PCDH15: variants seen among roughly 807,000 people sequenced by gnomAD.
The protein encoded by PCDH15 is protocadherin related 15.
Under a neutral mutation model 178.5 loss-of-function variants are expected in PCDH15, and 129 were observed. That is an observed-to-expected ratio of 0.72 (90% CI 0.63 to 0.84). The LOEUF is 0.84. Among genes scored for constraint, PCDH15 ranks in the 40% least tolerant of loss-of-function variants. The probability of loss-of-function intolerance (pLI) is 0.00; values close to 1 mark genes in which losing one functional copy is unlikely to be tolerated. For missense variants in PCDH15, 2,230 were observed against 2,099.9 expected (o/e 1.06, Z -1.21); for synonymous variants, 800 against 732.0 (o/e 1.09, Z -1.50).
intron 2 of PCDH15, among the ~76,000 whole-genome samples, chr10:54,548,991 A>C (rs1590044159): frequency 6.6e-6 from 1 of 151,872 alleles, no homozygotes; most frequent in East Asian, 1.9e-4. Flanking sequence ...TTATTAACAT[A>C]TATATTTCAT....
intron 2 of PCDH15, among the ~76,000 whole-genome samples, chr10:55,607,639 A>G (rs1444672103): frequency 1.0e-3 from 133 of 131,786 alleles, no homozygotes; most frequent in Middle Eastern, 4.0e-3. Flanking sequence ...TCAGTAAACT[A>G]TCACAAGAAC....
At chr10:55,243,607 T>C (rs976583647) in intron 1 of PCDH15, among the ~76,000 whole-genome samples, 8 of 152,330 alleles carry the variant, frequency 5.3e-5, no homozygotes, top group South Asian at 2.1e-4. Context: ...TAGGAACCAG[T>C]GCATTTAAAG....
intron 21 of PCDH15, among the ~76,000 whole-genome samples, chr10:53,970,309 A>C (rs564482819): frequency 7.2e-5 from 11 of 152,320 alleles, no homozygotes; most frequent in African/African-American, 2.6e-4. Flanking sequence ...AGAAGAGCTA[A>C]CTATCCTAAA....
intron 23 of PCDH15, among the ~76,000 whole-genome samples, chr10:53,950,377 T>C (rs1205527778): frequency 1.3e-5 from 2 of 152,098 alleles, no homozygotes; most frequent in African/African-American, 4.8e-5. Flanking sequence ...AAAATTAACA[T>C]GAATGTGACA....
intron 3 of PCDH15, among the ~76,000 whole-genome samples, chr10:54,813,961 G>C (rs1054018114): frequency 7.2e-5 from 11 of 151,890 alleles, no homozygotes; most frequent in Admixed American, 1.3e-4. Flanking sequence ...AATTAATAAA[G>C]CATGTCACAA....
intron 10 of PCDH15, among the ~76,000 whole-genome samples, chr10:54,198,655 C>T (rs1181901142): frequency 8.2e-6 from 1 of 121,462 alleles, no homozygotes; most frequent in African/African-American, 4.5e-5. Context: ...GCGCCCGCCA[C>T]TACGCCCGGC....
Position 53,961,863 on chromosome 10 carries a change from T to G in PCDH15, c.2898A>C (p.Arg966Ser), listed in dbSNP as rs761186738. 6.2e-7 allele frequency: 1 copy of G among 1,610,494 alleles called. No individual in the cohort carries two copies. The highest frequency in any genetic ancestry group is 8.5e-7 in the Non-Finnish European group (1 of 1,177,168). ...GGTAAGGAAACTGTACATCATCTAC[T>G]CTATACCTCACACGACTTGCAGGTA... ...PGLPASRVRY[R>S]VDDVQFPYPA... Residue 966 changes from arginine to serine, a missense_variant, in exon 22 of 38, where the codon AGA becomes AGC. Transcript: ENST00000644397.
intron 1 of PCDH15, among the ~76,000 whole-genome samples, chr10:55,211,633 A>G (rs1020868440): frequency 1.3e-5 from 2 of 152,122 alleles, no homozygotes; most frequent in Non-Finnish European, 2.9e-5. Flanking sequence ...TCTAAATAGC[A>G]TTAAGTGAAG....
intron 2 of PCDH15, among the ~76,000 whole-genome samples, chr10:55,492,606 C>T (rs1347182424): frequency 6.6e-6 from 1 of 151,660 alleles, no homozygotes; most frequent in Non-Finnish European, 1.5e-5. Flanking sequence ...TGGGATCAGT[C>T]TCAATAATGA....
intron 27 of PCDH15, among the ~76,000 whole-genome samples, chr10:53,864,373 C>T (rs183298943): frequency 1.3e-5 from 2 of 152,260 alleles, no homozygotes; most frequent in Non-Finnish European, 1.5e-5. Flanking sequence ...CCCCACACCC[C>T]ACCTGAGTAA....
chr10:55,056,990 C>T (rs987349992), intron 2 of PCDH15, among the ~76,000 whole-genome samples: 1 of 152,050 alleles, frequency 6.6e-6, no homozygotes, highest in African/African-American at 2.4e-5. Flanking sequence ...CATTATTGTT[C>T]AGCATAGCAT....
At position 54,585,750 on chromosome 10, in the gene PCDH15, C is replaced by G. The variant is rs1469934090; in HGVS notation, c.92-57873G>C. Among the ~76,000 whole-genome samples, 4 of 152,098 alleles carry G rather than the reference C, an allele frequency of 2.6e-5. No individual in the cohort carries two copies. The South Asian group carries it at 8.3e-4, about 31-fold the overall frequency. On this transcript the variant is annotated intron_variant, in intron 2 of 37. Coordinates refer to ENST00000644397, the MANE Select transcript of PCDH15 (RefSeq NM_001384140.1). ...AGATAACAGCCGCAATCAACTTCAG[C>G]AGGTTCCCAGAGGCAAGCTCTTGCT... is the stretch of plus-strand genomic sequence containing the variant.
intron 3 of PCDH15, among the ~76,000 whole-genome samples, chr10:54,429,607 A>G (rs1366313371): frequency 1.3e-5 from 2 of 152,174 alleles, no homozygotes; most frequent in African/African-American, 2.4e-5. Flanking sequence ...TCCTATAAAG[A>G]CACACATCGA....
At chr10:55,616,811 G>A (rs1843488898) in intron 2 of PCDH15, among the ~76,000 whole-genome samples, 1 of 152,056 alleles carries the variant, frequency 6.6e-6, no homozygotes, top group Admixed American at 6.6e-5. Flanking sequence ...TAGTGAGTAT[G>A]GTGGTTACTT....
At chr10:54,472,685 G>C (rs1028663739) in intron 3 of PCDH15, among the ~76,000 whole-genome samples, 4 of 152,094 alleles carry the variant, frequency 2.6e-5, no homozygotes, top group East Asian at 1.9e-4. Flanking sequence ...GATAGCAACA[G>C]GCACAGTGGA....
At chr10:54,669,292 A>G (rs2135482786) in intron 1 of PCDH15, among the ~76,000 whole-genome samples, 1 of 151,966 alleles carries the variant, frequency 6.6e-6, no homozygotes, top group Admixed American at 6.6e-5. Context: ...AGAGCCTTTC[A>G]GATATATTCC....
intron 1 of PCDH15, among the ~76,000 whole-genome samples, chr10:55,283,709 A>C (rs1842794235): frequency 6.6e-6 from 1 of 151,362 alleles, no homozygotes; most frequent in African/African-American, 2.4e-5. Context: ...TTAATGAATC[A>C]GAATATCAAT....
intron 2 of PCDH15, among the ~76,000 whole-genome samples, chr10:55,045,595 G>A (rs1341391154): frequency 2.0e-5 from 3 of 152,010 alleles, no homozygotes; most frequent in African/African-American, 7.2e-5. Context: ...ATTTACTAAA[G>A]ATAACTGTTT....
At chr10:55,202,912 C>T (rs1477949757) in intron 1 of PCDH15, among the ~76,000 whole-genome samples, 1 of 152,176 alleles carries the variant, frequency 6.6e-6, no homozygotes. Flanking sequence ...GCCTCCCAGG[C>T]CATCTGGAAC....
Sources: gnomAD v4.1 joint callset for allele counts (sites outside exome capture counted in the v4.1 genomes callset) on GRCh38, gnomAD v4.1.1 for gene constraint, MANE v1.5 for transcripts, NCBI Gene and HGNC (gene_info 2026-07-23, HGNC 2026-07-21) for gene names.